ADAM10: variants seen among roughly 807,000 people sequenced by gnomAD.
The protein encoded by ADAM10 is ADAM metallopeptidase domain 10, also known as disintegrin and metalloproteinase domain-containing protein 10.
Under a neutral mutation model 90.1 loss-of-function variants are expected in ADAM10, and 17 were observed. The observed-to-expected ratio is 0.19, with a 90% CI of 0.13 to 0.28. ADAM10 has a LOEUF of 0.28. Ranked by LOEUF, ADAM10 falls within the 10% of genes least tolerant of loss-of-function variation. The probability of loss-of-function intolerance (pLI) is 1.00; values close to 1 mark genes in which losing one functional copy is unlikely to be tolerated. For synonymous variants in ADAM10, 310 were observed against 298.6 expected, an observed-to-expected ratio of 1.04 and a Z score of -0.40; for missense variants, 610 against 914.3, an observed-to-expected ratio of 0.67 and a Z score of 4.29.
chr15:58,666,799 T>C (rs1308511110), intron 4 of ADAM10, among the ~76,000 whole-genome samples: 1 of 152,144 alleles, frequency 6.6e-6, no homozygotes, highest in Non-Finnish European at 1.5e-5. Flanking sequence ...TTTTGAAAGC[T>C]TGAAACTTAG....
Position 58,621,454 on chromosome 15 carries a change from T to C in ADAM10, c.1511+17A>G. 2.5e-6 allele frequency: 4 copies of C among 1,614,020 alleles called. No individual in the cohort carries two copies. The highest frequency in any genetic ancestry group is 3.4e-6 in the Non-Finnish European group (4 of 1,179,942). On this transcript the variant is annotated intron_variant, in intron 11 of 15. Transcript: ENST00000260408. Reference sequence around the variant, plus strand: ...AACTTTACAAGAATGTTAACATCACTGAAATTAGCAAGGTACCTGCACTGT... The same window carrying C: ...AACTTTACAAGAATGTTAACATCACCGAAATTAGCAAGGTACCTGCACTGT...
At chr15:58,667,277 T>C (rs1168819768) in intron 4 of ADAM10, among the ~76,000 whole-genome samples, 1 of 152,158 alleles carries the variant, frequency 6.6e-6, no homozygotes, top group African/African-American at 2.4e-5. Flanking sequence ...AAATAGTACA[T>C]ATATTGTGAC....
intron 2 of ADAM10, among the ~76,000 whole-genome samples, chr15:58,712,932 G>A (rs1245787033): frequency 6.6e-5 from 10 of 152,118 alleles, no homozygotes; most frequent in African/African-American, 2.2e-4. Flanking sequence ...ACATGAACAC[G>A]AGGACTGAGA....
At chr15:58,602,464 G>C (rs561349898) in intron 14 of ADAM10, among the ~76,000 whole-genome samples, 2 of 152,050 alleles carry the variant, frequency 1.3e-5, no homozygotes, top group Non-Finnish European at 2.9e-5. Context: ...TCTGAACCTG[G>C]TCAGCTTCCA....
intron 5 of ADAM10, among the ~76,000 whole-genome samples, chr15:58,659,067 G>A (rs1896905115): frequency 6.6e-6 from 1 of 152,132 alleles, no homozygotes; most frequent in Admixed American, 6.6e-5. Flanking sequence ...GAGTTCAAAA[G>A]TTCAAGACCA....
intron 1 of ADAM10, among the ~76,000 whole-genome samples, chr15:58,743,648 A>AGGCTAGAGTGCAGTGGGGC (rs1403510342): frequency 4.0e-5 from 6 of 150,834 alleles, no homozygotes; most frequent in African/African-American, 1.5e-4. Context: ...CTTGTCGCCC[A>AGGCTAGAGTGCAGTGGGGC]GGCTAGAGTG....
intron 2 of ADAM10, 116 bp downstream of exon 2, chr15:58,717,461 G>A: frequency 7.6e-7 from 1 of 1,311,524 alleles, no homozygotes; most frequent in East Asian, 2.4e-5. Context: ...AGTGGAAATG[G>A]AATTTCCAAA....
At chr15:58,635,899 T>C (rs1179960173) in intron 8 of ADAM10, among the ~76,000 whole-genome samples, 3 of 152,196 alleles carry the variant, frequency 2.0e-5, no homozygotes, top group Non-Finnish European at 4.4e-5. Context: ...TAAATTAGAA[T>C]ATACTATTCT....
At chr15:58,616,784 G>A (rs1895627751) in intron 11 of ADAM10, among the ~76,000 whole-genome samples, 1 of 151,998 alleles carries the variant, frequency 6.6e-6, no homozygotes, top group South Asian at 2.1e-4. Flanking sequence ...GAAGATCAGA[G>A]CAGAAATAAA....
intron 4 of ADAM10, among the ~76,000 whole-genome samples, chr15:58,677,832 G>C (rs1897331197): frequency 6.6e-6 from 1 of 152,090 alleles, no homozygotes; most frequent in Non-Finnish European, 1.5e-5. Context: ...ACAGACAAAT[G>C]ATACTTGCAA....
intron 14 of ADAM10, among the ~76,000 whole-genome samples, chr15:58,607,422 G>A (rs182610729): frequency 6.6e-6 from 1 of 152,252 alleles, no homozygotes; most frequent in African/African-American, 2.4e-5. Context: ...AAGTTTAAAC[G>A]ATTTATTTAT....
At chr15:58,721,571 A>C (rs1416023345) in intron 1 of ADAM10, among the ~76,000 whole-genome samples, 1 of 152,180 alleles carries the variant, frequency 6.6e-6, no homozygotes, top group Non-Finnish European at 1.5e-5. Context: ...CACCCCACAC[A>C]CACATAGAAC....
chr15:58,611,222 A>C lies in ADAM10; in HGVS notation c.1696-115T>G, dbSNP rs183586062. The C allele has an allele frequency of 5.9e-4, 467 of 791,538 alleles. 5 individuals carry two copies. The East Asian group carries it at 8.1e-3, about 14-fold the overall frequency. The allele number at this position is 791,538 out of a possible 1,614,324, so 49.0% of individuals were successfully genotyped here. On this transcript the variant is annotated intron_variant, in intron 12 of 15. Coordinates refer to ENST00000260408, the MANE Select transcript of ADAM10 (RefSeq NM_001110.4). Reference sequence around the variant, plus strand: ...TGTCAAAATATTTAAATGGAAATGAAAGTGAAAAACAAACAGAGATGAGTA... The same window carrying C: ...TGTCAAAATATTTAAATGGAAATGACAGTGAAAAACAAACAGAGATGAGTA...
At chr15:58,634,232 G>A (rs1896186775) in intron 8 of ADAM10, among the ~76,000 whole-genome samples, 1 of 151,866 alleles carries the variant, frequency 6.6e-6, no homozygotes, top group Admixed American at 6.6e-5. Context: ...AACCCAGGAG[G>A]TGGAAGTTGC....
rs1448972430 is a variant in ADAM10, at chr15:58,588,920, A to G, written c.*8627T>C. 1 of 152,188 alleles carries G rather than the reference A, an allele frequency of 6.6e-6. No homozygotes were observed. The highest frequency in any genetic ancestry group is 1.9e-4 in the East Asian group (1 of 5,196). 9.4% of individuals were successfully genotyped at this position (152,188 alleles called of 1,614,324 possible). A position where few individuals can be genotyped will look rare whatever the true frequency, so the allele number is the denominator to read the frequency against. ...AAGTTATGCCTTTCCCATTTTTGCA[A>G]AACATGGTCGGTATGTTTCATATTC... On this transcript the variant is annotated 3_prime_UTR_variant, in exon 16 of 16. Transcript: ENST00000260408.
At chr15:58,702,593 GTATT>G (rs1331464792) in intron 2 of ADAM10, among the ~76,000 whole-genome samples, 1 of 152,134 alleles carries the variant, frequency 6.6e-6, no homozygotes, top group African/African-American at 2.4e-5. Flanking sequence ...CAAGTATTAT[GTATT>G]TAAATTTTTT....
At chr15:58,715,389 C>G (rs1013831452) in intron 2 of ADAM10, among the ~76,000 whole-genome samples, 5 of 148,610 alleles carry the variant, frequency 3.4e-5, no homozygotes, top group Non-Finnish European at 7.4e-5. Context: ...CACTCCAGCC[C>G]AGGCAACAGA....
chr15:58,683,896 T>C (rs1375961973), intron 2 of ADAM10, among the ~76,000 whole-genome samples: 1 of 127,260 alleles, frequency 7.9e-6, no homozygotes, highest in Non-Finnish European at 1.7e-5. Flanking sequence ...GAAGGAAATA[T>C]AAAGTCATCC....
chr15:58,622,930 A>G (rs1895829648), intron 10 of ADAM10, among the ~76,000 whole-genome samples: 1 of 152,240 alleles, frequency 6.6e-6, no homozygotes, highest in Non-Finnish European at 1.5e-5. Context: ...ATCCCAGTAT[A>G]GGCAAAACAC....
Sources: gnomAD v4.1 joint callset for allele counts (sites outside exome capture counted in the v4.1 genomes callset) on GRCh38, gnomAD v4.1.1 for gene constraint, MANE v1.5 for transcripts, NCBI Gene and HGNC (gene_info 2026-07-23, HGNC 2026-07-21) for gene names.